TAFA2: variants seen among roughly 807,000 people sequenced by gnomAD.
TAFA2 encodes TAFA chemokine like family member 2, also known as chemokine-like protein TAFA-2.
Under a neutral mutation model 18.8 loss-of-function variants are expected in TAFA2, and 7 were observed. The ratio of observed to expected loss-of-function variants is 0.37; its 90% confidence interval spans 0.21 to 0.70. The LOEUF (loss-of-function observed/expected upper bound fraction) is 0.70, where lower values mean the gene tolerates loss of function less well. Ranked by LOEUF, TAFA2 falls within the 30% of genes least tolerant of loss-of-function variation. The probability of loss-of-function intolerance (pLI) is 0.53; values close to 1 mark genes in which losing one functional copy is unlikely to be tolerated. For synonymous variants in TAFA2, 60 were observed against 54.2 expected (o/e 1.11, Z -0.47); for missense variants, 122 against 158.1 (o/e 0.77, Z 1.23).
At chr12:61,715,624 T>G (rs940656443) in intron 4 of TAFA2, among the ~76,000 whole-genome samples, 9 of 151,918 alleles carry the variant, frequency 5.9e-5, no homozygotes, top group African/African-American at 2.2e-4. Context: ...AGTGCTAGGT[T>G]TACAGGCATG....
intron 2 of TAFA2, among the ~76,000 whole-genome samples, chr12:61,808,996 ATTTCTAAGTCTAGAAATAGACTTTTT>A (rs1565641606): frequency 1.3e-5 from 2 of 151,606 alleles, no homozygotes; most frequent in Non-Finnish European, 2.9e-5. Flanking sequence ...CATAACCACC[ATTTCTAAGTCTAGAAATAGACTTTTT>A]TTTCTAAGTC....
intron 1 of TAFA2, among the ~76,000 whole-genome samples, chr12:62,020,265 A>G (rs1388824490): frequency 1.3e-5 from 2 of 152,218 alleles, no homozygotes; most frequent in African/African-American, 4.8e-5. Flanking sequence ...AAACTGCCAC[A>G]CTAGTATTAT....
intron 1 of TAFA2, among the ~76,000 whole-genome samples, chr12:61,975,340 A>G (rs1879391442): frequency 1.3e-5 from 2 of 151,676 alleles, no homozygotes; most frequent in South Asian, 4.1e-4. Context: ...GGTAACCACC[A>G]TTCTACTCTC....
At chr12:61,888,173 G>A (rs1028357827) in intron 1 of TAFA2, among the ~76,000 whole-genome samples, 7 of 152,176 alleles carry the variant, frequency 4.6e-5, no homozygotes, top group African/African-American at 1.4e-4. Context: ...TCAATGTGGC[G>A]ATTCCTCAGG....
intron 2 of TAFA2, among the ~76,000 whole-genome samples, chr12:61,766,090 A>T (rs1869778563): frequency 6.6e-6 from 1 of 151,926 alleles, no homozygotes; most frequent in South Asian, 2.1e-4. Flanking sequence ...CATCCTTAAC[A>T]TTTCTTTCTT....
Position 61,710,306 on chromosome 12 carries a change from A to C in TAFA2, c.*100T>G. The C allele has an allele frequency of 9.1e-7, 1 of 1,095,060 alleles. No homozygotes were observed. Among genetic ancestry groups the C allele is most frequent in the Non-Finnish European group, 1.4e-6 (1 of 714,302 alleles). 67.8% of individuals were successfully genotyped at this position (1,095,060 alleles called of 1,614,324 possible). A position where few individuals can be genotyped will look rare whatever the true frequency, so the allele number is the denominator to read the frequency against. On this transcript the variant is annotated 3_prime_UTR_variant, in exon 5 of 5. Transcript: ENST00000416284. ...AATAGACTATTGAGCGCCTCTTTCA[A>C]GTGGTATAAAAATCTTCAAGATCAC...
intron 1 of TAFA2, among the ~76,000 whole-genome samples, chr12:62,208,992 G>C (rs1010741631): frequency 6.6e-6 from 1 of 152,040 alleles, no homozygotes; most frequent in Admixed American, 6.5e-5. Flanking sequence ...CTTTCTGCCT[G>C]GTTTACTAGA....
At chr12:61,766,436 T>C (rs1055651305) in intron 2 of TAFA2, among the ~76,000 whole-genome samples, 24 of 152,096 alleles carry the variant, frequency 1.6e-4, no homozygotes, top group African/African-American at 5.8e-4. Flanking sequence ...GTTTCTTGAT[T>C]CCTTGCCCTC....
intron 2 of TAFA2, among the ~76,000 whole-genome samples, chr12:61,839,291 A>G (rs186483854): frequency 6.6e-6 from 1 of 152,240 alleles, no homozygotes; most frequent in East Asian, 1.9e-4. Context: ...CTATTTCTCT[A>G]GTGGAGAAAT....
intron 2 of TAFA2, among the ~76,000 whole-genome samples, chr12:61,817,304 C>T (rs1396606201): frequency 6.6e-6 from 1 of 152,022 alleles, no homozygotes; most frequent in Admixed American, 6.6e-5. Flanking sequence ...TCCTAACCTA[C>T]CTTCATGTGA....
At chr12:62,130,460 A>G (rs1482549175) in intron 1 of TAFA2, among the ~76,000 whole-genome samples, 1 of 152,022 alleles carries the variant, frequency 6.6e-6, no homozygotes, top group African/African-American at 2.4e-5. Flanking sequence ...TTAATATTGC[A>G]AATAAAGAAA....
At chr12:61,822,289 A>G (rs1872353566) in intron 2 of TAFA2, among the ~76,000 whole-genome samples, 1 of 152,144 alleles carries the variant, frequency 6.6e-6, no homozygotes, top group Admixed American at 6.6e-5. Context: ...CGCAGGTTCA[A>G]AATAAATCAT....
intron 1 of TAFA2, among the ~76,000 whole-genome samples, chr12:62,024,132 C>T (rs1049069978): frequency 6.6e-6 from 1 of 152,154 alleles, no homozygotes; most frequent in African/African-American, 2.4e-5. Context: ...TTTCTTTCCC[C>T]TCTCATCCCA....
chr12:62,035,742 T>C (rs1294378896), intron 1 of TAFA2, among the ~76,000 whole-genome samples: 1 of 129,590 alleles, frequency 7.7e-6, no homozygotes, highest in Non-Finnish European at 1.6e-5. Context: ...TCTTTTTTTT[T>C]TTTTTTTTTT....
Position 61,962,900 on chromosome 12 carries a change from G to GC in TAFA2, c.-1-95475dup, listed in dbSNP as rs541857930. 1.7e-3 allele frequency among the ~76,000 whole-genome samples: 259 copies of GC among 151,682 alleles called. No homozygotes were observed. The South Asian group carries it at 0.02, about 12-fold the overall frequency. ...TTCTCCCAATGCTGTCCCTCCCCTA[G>GC]CCCCCCACCAGCCAACAGGCTGTGT... is the stretch of plus-strand genomic sequence containing the variant. On this transcript the variant is annotated intron_variant, in intron 1 of 4. Transcript: ENST00000416284.
chr12:61,993,703 C>T (rs984423351), intron 1 of TAFA2, among the ~76,000 whole-genome samples: 2 of 152,116 alleles, frequency 1.3e-5, no homozygotes, highest in Non-Finnish European at 2.9e-5. Context: ...CCTAATTTTC[C>T]TCATGGTGTA....
intron 1 of TAFA2, among the ~76,000 whole-genome samples, chr12:62,069,087 T>C (rs1882562504): frequency 6.6e-6 from 1 of 152,098 alleles, no homozygotes; most frequent in Non-Finnish European, 1.5e-5. Context: ...GTGCTGCAAT[T>C]TCCACAGAGA....
At chr12:61,828,610 T>C (rs1486783612) in intron 2 of TAFA2, among the ~76,000 whole-genome samples, 1 of 151,858 alleles carries the variant, frequency 6.6e-6, no homozygotes, top group Non-Finnish European at 1.5e-5. Flanking sequence ...ACTGATGGAC[T>C]ATAAAATGAA....
At chr12:61,784,360 G>T (rs936568989) in intron 2 of TAFA2, among the ~76,000 whole-genome samples, 2 of 151,420 alleles carry the variant, frequency 1.3e-5, no homozygotes, top group Non-Finnish European at 3.0e-5. Context: ...CACATCAAGA[G>T]AGGTGATGTA....
Sources: allele counts gnomAD v4.1 joint callset (sites outside exome capture counted in the v4.1 genomes callset), GRCh38; gene constraint gnomAD v4.1.1; transcripts MANE v1.5; gene names NCBI Gene and HGNC (gene_info 2026-07-23, HGNC 2026-07-21).